The following ELAVL3 variants were observed in gnomAD, a reference collection of about 807,000 sequenced individuals.
ELAVL3 encodes ELAV like RNA binding protein 3.
ELAVL3 carries 8 observed loss-of-function variants against 34.2 expected under a neutral mutation model. That is an observed-to-expected ratio of 0.23 (90% CI 0.14 to 0.42). ELAVL3 has a LOEUF of 0.42. ELAVL3 is among the 10% of genes least tolerant of loss of function. ELAVL3 has a pLI of 1.00. For missense variants in ELAVL3, 273 were observed against 518.8 expected (o/e 0.53, Z 4.60); for synonymous variants, 209 against 222.1 (o/e 0.94, Z 0.53).
In ELAVL3 at chr19:11,465,123, A is replaced by C. The variant is rs532822652; in HGVS notation, c.333+1049T>G. ...ACACACATACACATACACCACACAC[A>C]TACACACCACACACATACACATACA... is the stretch of plus-strand genomic sequence containing the variant. On this transcript the variant is annotated intron_variant, in intron 3 of 6. Transcript: ENST00000359227. Among the ~76,000 whole-genome samples the C allele has an allele frequency of 1.2e-4, 16 of 138,384 alleles. No individual in the cohort carries two copies. In the South Asian group the frequency reaches 3.6e-3, roughly 31 times the overall value. The allele number at this position is 138,384 out of a possible 152,430, so 90.8% of individuals were successfully genotyped here. A position where few individuals can be genotyped will look rare whatever the true frequency, so the allele number is the denominator to read the frequency against.
At chr19:11,473,245 G>A (rs1249305979) in intron 1 of ELAVL3, among the ~76,000 whole-genome samples, 1 of 150,360 alleles carries the variant, frequency 6.7e-6, no homozygotes, top group East Asian at 2.0e-4. Flanking sequence ...GGCGCCTGTA[G>A]TCCCAGCTAC....
intron 3 of ELAVL3, among the ~76,000 whole-genome samples, chr19:11,459,115 C>CA (rs1970830604): frequency 7.0e-6 from 1 of 143,850 alleles, no homozygotes; most frequent in Non-Finnish European, 1.5e-5. Flanking sequence ...GCCTGACCAG[C>CA]ATTTTTTTTT....
At chr19:11,469,252 T>C (rs1971115737) in intron 1 of ELAVL3, among the ~76,000 whole-genome samples, 1 of 152,086 alleles carries the variant, frequency 6.6e-6, no homozygotes, top group African/African-American at 2.4e-5. Flanking sequence ...AATACATTAA[T>C]GTCATGAATT....
chr19:11,478,170 T>C (rs946831224), intron 1 of ELAVL3, among the ~76,000 whole-genome samples: 6 of 152,178 alleles, frequency 3.9e-5, no homozygotes, highest in African/African-American at 1.2e-4. Flanking sequence ...ATCTGACTCC[T>C]GATCCGATGA....
intron 3 of ELAVL3, among the ~76,000 whole-genome samples, chr19:11,465,169 C>A (rs1971015715): frequency 1.5e-5 from 2 of 136,776 alleles, no homozygotes; most frequent in Non-Finnish European, 3.1e-5. Context: ...ATACACATAC[C>A]ACACACACAT....
chr19:11,472,877 C>T (rs1347748142), intron 1 of ELAVL3, among the ~76,000 whole-genome samples: 1 of 151,098 alleles, frequency 6.6e-6, no homozygotes, highest in Admixed American at 6.6e-5. Context: ...ACCATCCTGA[C>T]CAAACATGGT....
Position 11,451,459 on chromosome 19 carries a change from T to C in ELAVL3, c.*3067A>G, listed in dbSNP as rs1452993743. 1 of 150,490 alleles carries C rather than the reference T, an allele frequency of 6.6e-6. No individual in the cohort carries two copies. The highest frequency in any genetic ancestry group is 2.4e-5 in the African/African-American group (1 of 41,076). 9.3% of individuals were successfully genotyped at this position (150,490 alleles called of 1,614,324 possible). ...CTAAACGCAACGCGAAGTGTTCTTG[T>C]TGGGTTTTTTTTTTTTTTTTGTCTT... On this transcript the variant is annotated 3_prime_UTR_variant, in exon 7 of 7. Transcript: ENST00000359227.
chr19:11,461,514 T>C (rs1174157544), intron 3 of ELAVL3, among the ~76,000 whole-genome samples: 1 of 134,356 alleles, frequency 7.4e-6, no homozygotes, highest in Non-Finnish European at 1.6e-5. Context: ...CTTCTTTCCT[T>C]CCACTCTCCC....
chr19:11,478,733 C>T (rs1213684220), intron 1 of ELAVL3, among the ~76,000 whole-genome samples: 2 of 152,118 alleles, frequency 1.3e-5, no homozygotes, highest in Non-Finnish European at 2.9e-5. Flanking sequence ...ATCGCACATA[C>T]ATCTGACGTA....
At chr19:11,472,778 G>A (rs955375977) in intron 1 of ELAVL3, among the ~76,000 whole-genome samples, 2 of 151,914 alleles carry the variant, frequency 1.3e-5, no homozygotes, top group African/African-American at 4.8e-5. Context: ...AGAAGGAGAA[G>A]AAGAAGCCAG....
rs1386392677 is a variant in ELAVL3, at chr19:11,466,042, G to C, written c.333+130C>G. The stretch of plus-strand genomic sequence containing the variant: ...CTAGGAAGTCTTGGAGGGGAGATTT[G>C]AGCCCCTCTGGGGATGAGTCCTGAA... On this transcript the variant is annotated intron_variant, in intron 3 of 6. Coordinates refer to ENST00000359227, the MANE Select transcript of ELAVL3 (RefSeq NM_001420.4). The surrounding 1 kb of genome is among the most constrained non-coding windows in gnomAD (Gnocchi z 5.0). 15 of 814,066 alleles carry C rather than the reference G, an allele frequency of 1.8e-5. No individual in the cohort carries two copies. The highest frequency in any genetic ancestry group is 3.0e-5 in the Non-Finnish European group (15 of 495,562). 50.4% of individuals were successfully genotyped at this position (814,066 alleles called of 1,614,324 possible).
chr19:11,464,840 GAC>G lies in ELAVL3; in HGVS notation c.333+1330_333+1331del, dbSNP rs1286849385. Among the ~76,000 whole-genome samples, 10 of 45,144 alleles carry G rather than the reference GAC, an allele frequency of 2.2e-4. No homozygotes were observed. In the East Asian group the frequency reaches 3.0e-3, roughly 13 times the overall value. 29.6% of individuals were successfully genotyped at this position (45,144 alleles called of 152,430 possible). Reference sequence around the variant, plus strand: ...CACCACACACACCACACACAAACCAGACACACACATACACAACACACACACCA... The same window carrying G: ...CACCACACACACCACACACAAACCAGACACACATACACAACACACACACCA... On this transcript the variant is annotated intron_variant, in intron 3 of 6. Transcript: ENST00000359227.
Position 11,454,379 on chromosome 19 carries a change from G to A in ELAVL3, c.*147C>T. The stretch of plus-strand genomic sequence containing the variant: ...CCTCCCACCCCAGAGTGCTCACCCT[G>A]TGGCTTCCGCAGGGACGTGGGGCCC... On this transcript the variant is annotated 3_prime_UTR_variant, in exon 7 of 7. Coordinates refer to ENST00000359227, the MANE Select transcript of ELAVL3 (RefSeq NM_001420.4). This position sits in a 1 kb window ranked among gnomAD's most constrained non-coding sequence, Gnocchi z 9.2. 1.3e-6 allele frequency: 1 copy of A among 788,796 alleles called. No individual in the cohort carries two copies. The highest frequency in any genetic ancestry group is 2.0e-6 in the Non-Finnish European group (1 of 509,344). 48.9% of individuals were successfully genotyped at this position (788,796 alleles called of 1,614,324 possible). A position where few individuals can be genotyped will look rare whatever the true frequency, so the allele number is the denominator to read the frequency against.
In ELAVL3 at chr19:11,458,812, A is replaced by G. The variant is rs1970823662; in HGVS notation, c.334-201T>C. Among the ~76,000 whole-genome samples, 1 of 152,100 alleles carries G rather than the reference A, an allele frequency of 6.6e-6. No individual in the cohort carries two copies. The highest frequency in any genetic ancestry group is 2.4e-5 in the African/African-American group (1 of 41,400). On this transcript the variant is annotated intron_variant, in intron 3 of 6. Coordinates refer to ENST00000359227, the MANE Select transcript of ELAVL3 (RefSeq NM_001420.4). This position sits in a 1 kb window ranked among gnomAD's most constrained non-coding sequence, Gnocchi z 7.3. Reference sequence around the variant, plus strand: ...CATGGCAGTGGCTGTAACAACTTGGACTGCCTGTATAGAGTGATGGGGACC... The same window carrying G: ...CATGGCAGTGGCTGTAACAACTTGGGCTGCCTGTATAGAGTGATGGGGACC...
At chr19:11,478,610 GGTTTCTCTCTCCCTCTTTCTTCCTCT>G (rs1971308221) in intron 1 of ELAVL3, among the ~76,000 whole-genome samples, 1 of 152,004 alleles carries the variant, frequency 6.6e-6, no homozygotes, top group Non-Finnish European at 1.5e-5. Flanking sequence ...CCCGACTTTT[GGTTTCTCTCTCCCTCTTTCTTCCTCT>G]GTTTCCCTCT....
chr19:11,454,976 C>G lies in ELAVL3; in HGVS notation c.753-99G>C. ...TTATGACCCCTGACTGTGCCATGAC[C>G]TTGGAATGGTGTGACCCCTGCAATG... On this transcript the variant is annotated intron_variant, in intron 6 of 6. Transcript: ENST00000359227. This position sits in a 1 kb window ranked among gnomAD's most constrained non-coding sequence, Gnocchi z 9.2. 1 of 1,358,780 alleles carries G rather than the reference C, an allele frequency of 7.4e-7. No individual in the cohort carries two copies. Among genetic ancestry groups the G allele is most frequent in the African/African-American group, 1.4e-5 (1 of 69,000 alleles). The allele number at this position is 1,358,780 out of a possible 1,614,324, so 84.2% of individuals were successfully genotyped here.
intron 1 of ELAVL3, among the ~76,000 whole-genome samples, chr19:11,474,462 T>C (rs1971226856): frequency 1.3e-5 from 2 of 152,060 alleles, no homozygotes; most frequent in African/African-American, 2.4e-5. Context: ...CCAGGCGTAG[T>C]GGTGGGTGCC....
intron 5 of ELAVL3, among the ~76,000 whole-genome samples, chr19:11,457,488 G>A (rs1156257532): frequency 1.3e-5 from 2 of 152,166 alleles, no homozygotes; most frequent in African/African-American, 2.4e-5. Flanking sequence ...CAACATTCTC[G>A]CAGCACTTGA....
intron 1 of ELAVL3, among the ~76,000 whole-genome samples, chr19:11,477,213 A>G (rs2144915666): frequency 6.6e-6 from 1 of 152,332 alleles, no homozygotes; most frequent in Non-Finnish European, 1.5e-5. Context: ...TAAGGAAGGT[A>G]TGGCACAGAG....
Sources: gnomAD v4.1 joint callset for allele counts (sites outside exome capture counted in the v4.1 genomes callset) on GRCh38, gnomAD v4.1.1 for gene constraint, Gnocchi (gnomAD v3.1) non-coding constraint, MANE v1.5 for transcripts, NCBI Gene and HGNC (gene_info 2026-07-23, HGNC 2026-07-21) for gene names.